The following TIMP2 variants were observed in gnomAD, a reference collection of about 807,000 sequenced individuals.
TIMP2 encodes metalloproteinase inhibitor 2.
In TIMP2, 5 loss-of-function variants were observed where a neutral mutation model predicts 24.3. That is an observed-to-expected ratio of 0.21 (90% CI 0.11 to 0.43). The LOEUF (loss-of-function observed/expected upper bound fraction) is 0.43, where lower values mean the gene tolerates loss of function less well. TIMP2 is among the 20% of genes least tolerant of loss of function. TIMP2 has a pLI of 1.00. For synonymous variants in TIMP2, 130 were observed against 123.2 expected (o/e 1.06, Z -0.37); for missense variants, 221 against 297.5 (o/e 0.74, Z 1.89).
At chr17:78,923,983 G>A (rs1599181660) in intron 1 of TIMP2, among the ~76,000 whole-genome samples, 1 of 152,310 alleles carries the variant, frequency 6.6e-6, no homozygotes, top group Middle Eastern at 3.4e-3. Flanking sequence ...AGGGGGCTCC[G>A]AGACCACCTG....
intron 1 of TIMP2, among the ~76,000 whole-genome samples, chr17:78,902,373 G>T (rs938555099): frequency 6.6e-5 from 10 of 152,238 alleles, no homozygotes; most frequent in African/African-American, 2.4e-4. Context: ...CTCCCAAAGT[G>T]CTGGGATTCC....
chr17:78,887,886 G>A (rs1351639455), intron 1 of TIMP2, among the ~76,000 whole-genome samples: 1 of 152,028 alleles, frequency 6.6e-6, no homozygotes, highest in African/African-American at 2.4e-5. Context: ...AAACAAGCAC[G>A]AAACTGGAGA....
intron 3 of TIMP2, among the ~76,000 whole-genome samples, chr17:78,868,529 C>G (rs10852716): frequency 0.93 from 141,726 of 152,280 alleles, 66,036 homozygotes; most frequent in African/African-American, 0.95. Flanking sequence ...GGGATTACAG[C>G]CATGAGCCAC....
Position 78,869,763 on chromosome 17 carries a change from C to T in TIMP2, c.340+1135G>A, listed in dbSNP as rs112451964. Among the ~76,000 whole-genome samples the T allele has an allele frequency of 3.7e-3, 569 of 152,160 alleles. 2 individuals are homozygous for T. The highest frequency in any genetic ancestry group is 0.013 in the African/African-American group (547 of 41,516). Reference sequence around the variant, plus strand: ...CTGGGAAGCGGAGGTTGCAGTGAGCCGAGATAGTGCCATTGCACCCCAGCC... The same window carrying T: ...CTGGGAAGCGGAGGTTGCAGTGAGCTGAGATAGTGCCATTGCACCCCAGCC... On this transcript the variant is annotated intron_variant, in intron 3 of 4. Transcript: ENST00000262768.
At chr17:78,893,441 G>T (rs1416755517) in intron 1 of TIMP2, among the ~76,000 whole-genome samples, 1 of 148,278 alleles carries the variant, frequency 6.7e-6, no homozygotes, top group African/African-American at 2.5e-5. Flanking sequence ...GGGTGTGTGC[G>T]TGGGGCTGTG....
At chr17:78,899,465 G>T (rs1318223516) in intron 1 of TIMP2, 2 of 152,244 alleles carry the variant, frequency 1.3e-5, no homozygotes, top group Non-Finnish European at 2.9e-5. Flanking sequence ...TGGTGAAGGG[G>T]TAGATTCCTG....
intron 2 of TIMP2, among the ~76,000 whole-genome samples, chr17:78,873,291 TC>T (rs1249932610): frequency 1.6e-5 from 2 of 127,532 alleles, no homozygotes; most frequent in Non-Finnish European, 3.2e-5. Flanking sequence ...CTCCCTGCCC[TC>T]CCTGCCACAT....
chr17:78,865,624 CAAAAA>C (rs35179698), intron 3 of TIMP2, among the ~76,000 whole-genome samples: 1 of 117,728 alleles, frequency 8.5e-6, no homozygotes, highest in Non-Finnish European at 1.7e-5. Flanking sequence ...AACTCTGTCT[CAAAAA>C]AAAAAAAAAA....
intron 3 of TIMP2, among the ~76,000 whole-genome samples, chr17:78,860,191 A>G (rs2069556641): frequency 6.6e-6 from 1 of 151,968 alleles, no homozygotes; most frequent in Non-Finnish European, 1.5e-5. Context: ...CAAAAAAAAC[A>G]AAAACAAAAA....
intron 3 of TIMP2, among the ~76,000 whole-genome samples, chr17:78,859,460 G>T (rs1383473776): frequency 6.6e-6 from 1 of 152,154 alleles, no homozygotes; most frequent in Non-Finnish European, 1.5e-5. Context: ...AGGAGTTCGA[G>T]ACCAGCCTGG....
At chr17:78,907,938 G>A (rs1224794677) in intron 1 of TIMP2, among the ~76,000 whole-genome samples, 2 of 152,046 alleles carry the variant, frequency 1.3e-5, no homozygotes, top group Non-Finnish European at 1.5e-5. Context: ...GTTTGAGACC[G>A]GCCTGAACAA....
At chr17:78,909,487 C>A (rs555525613) in intron 1 of TIMP2, among the ~76,000 whole-genome samples, 2 of 148,396 alleles carry the variant, frequency 1.3e-5, no homozygotes, top group East Asian at 4.3e-4. Context: ...CCCACCCAGT[C>A]CTTTCTCCCT....
chr17:78,907,329 C>A (rs2070169333), intron 1 of TIMP2, among the ~76,000 whole-genome samples: 1 of 152,216 alleles, frequency 6.6e-6, no homozygotes, highest in African/African-American at 2.4e-5. Flanking sequence ...AGTCCCCACG[C>A]CCAGTCCCAT....
intron 1 of TIMP2, among the ~76,000 whole-genome samples, chr17:78,914,255 C>CTATTTATT (rs1555652630): frequency 1.9e-5 from 2 of 106,554 alleles, no homozygotes; most frequent in East Asian, 6.3e-4. Flanking sequence ...GAAATTTTGG[C>CTATTTATT]TATTCATTTA....
At chr17:78,901,998 T>C (rs565257801) in intron 1 of TIMP2, 13 of 582,148 alleles carry the variant, frequency 2.2e-5, no homozygotes, top group South Asian at 1.9e-4. Context: ...CTCTGAGTTC[T>C]AGCCTCTAAA....
chr17:78,911,894 C>CAA lies in TIMP2; in HGVS notation c.130+13063_130+13064dup, dbSNP rs60505603. ...AACCCTATCTCTACTAAAAACACAC[C>CAA]AAAAAAAAAAAAAAAAAAATTGAAC... On this transcript the variant is annotated intron_variant, in intron 1 of 4. Transcript: ENST00000262768. 9.7e-3 allele frequency among the ~76,000 whole-genome samples: 1,082 copies of CAA among 112,022 alleles called. 18 individuals carry two copies. Among genetic ancestry groups the CAA allele is most frequent in the East Asian group, 0.057 (218 of 3,802 alleles). 73.5% of individuals were successfully genotyped at this position (112,022 alleles called of 152,430 possible).
rs377552232 is a variant in TIMP2, at chr17:78,900,921, G to A, written c.130+24038C>T. 1.3e-4 allele frequency: 20 copies of A among 152,422 alleles called. No individual in the cohort carries two copies. The East Asian group carries it at 2.5e-3, about 19-fold the overall frequency. 9.4% of individuals were successfully genotyped at this position (152,422 alleles called of 1,614,324 possible). A position where few individuals can be genotyped will look rare whatever the true frequency, so the allele number is the denominator to read the frequency against. On this transcript the variant is annotated intron_variant, in intron 1 of 4. Coordinates refer to ENST00000262768, the MANE Select transcript of TIMP2 (RefSeq NM_003255.5). ...GACTGTCCCCTGAGTGAACAGAAAC[G>A]CCTCTAACATGCGAGCGAATGGTGC... is the stretch of plus-strand genomic sequence containing the variant.
rs1029098852 is a variant in TIMP2 at position 78,891,997 on chromosome 17, C to T, written c.131-18078G>A. Reference sequence around the variant, plus strand: ...TCTCTTCACTAAGGGCTGCTCTATGCTTCTCCTTGGCCCTCGGGGGCCTGG... The same window carrying T: ...TCTCTTCACTAAGGGCTGCTCTATGTTTCTCCTTGGCCCTCGGGGGCCTGG... On this transcript the variant is annotated intron_variant, in intron 1 of 4. Coordinates refer to ENST00000262768, the MANE Select transcript of TIMP2 (RefSeq NM_003255.5). This position sits in a 1 kb window ranked among gnomAD's most constrained non-coding sequence, Gnocchi z 4.5. 12 of 1,550,616 alleles carry T rather than the reference C, an allele frequency of 7.7e-6. No homozygotes were observed. The highest frequency in any genetic ancestry group is 3.3e-4 in the Middle Eastern group (2 of 6,014).
intron 3 of TIMP2, among the ~76,000 whole-genome samples, chr17:78,870,683 C>T (rs991656742): frequency 3.3e-5 from 5 of 151,800 alleles, no homozygotes; most frequent in African/African-American, 1.2e-4. Flanking sequence ...TTTTTTTGTC[C>T]ACCAATCTCA....
Sources: allele counts gnomAD v4.1 joint callset (sites outside exome capture counted in the v4.1 genomes callset), GRCh38; gene constraint gnomAD v4.1.1; non-coding constraint Gnocchi (gnomAD v3.1); transcripts MANE v1.5; gene names NCBI Gene and HGNC (gene_info 2026-07-23, HGNC 2026-07-21).